The following LDLRAD2 variants were observed in gnomAD, a reference collection of about 807,000 sequenced individuals.
LDLRAD2 encodes low density lipoprotein receptor class A domain containing 2.
A neutral mutation model predicts 24.9 loss-of-function variants in LDLRAD2; 25 were observed. That is an observed-to-expected ratio of 1.00 (90% CI 0.73 to 1.40). The LOEUF (loss-of-function observed/expected upper bound fraction) is 1.40, where lower values mean the gene tolerates loss of function less well. Among genes scored for constraint, LDLRAD2 ranks in the 40% most tolerant of loss-of-function variants. LDLRAD2 has a pLI of 0.00. For missense variants in LDLRAD2, 391 were observed against 366.2 expected, an observed-to-expected ratio of 1.07 and a Z score of -0.55; for synonymous variants, 182 against 166.7, an observed-to-expected ratio of 1.09 and a Z score of -0.71.
At chr1:21,812,600 T>G in intron 1 of LDLRAD2, 64 bp downstream of exon 1, 1 of 1,362,430 alleles carries the variant, frequency 7.3e-7, no homozygotes, top group Non-Finnish European at 1.0e-6. Flanking sequence ...CCTTAGAGAC[T>G]ATGTTTCCCC....
intron 3 of LDLRAD2, among the ~76,000 whole-genome samples, chr1:21,819,306 T>C (rs149167556): frequency 6.6e-6 from 1 of 151,622 alleles, no homozygotes; most frequent in Admixed American, 6.6e-5. Context: ...CCGGGAGGCA[T>C]AGGTTGCGGT....
In LDLRAD2 at chr1:21,814,633, C is replaced by A; in HGVS notation, c.321C>A (p.Cys107Ter). Residue 107 changes from cysteine (C) to a stop codon, truncating the protein, a stop_gained, in exon 2 of 5, where the codon TGC (cysteine) becomes TGA (stop). Transcript: ENST00000344642. LOFTEE classifies it high-confidence loss of function. ...NTSSPAPADP[C>*]APGSYLQFYE... ...CCTCCCCGGCCCCGGCCGACCCGTG[C>A]GCCCCCGGCTCCTACCTGCAGTTCT... 6.2e-7 allele frequency: 1 copy of A among 1,606,892 alleles called. No homozygotes were observed. Among genetic ancestry groups the A allele is most frequent in the Non-Finnish European group, 8.5e-7 (1 of 1,176,948 alleles).
rs1004763292 is a variant in LDLRAD2, at chr1:21,812,459, CTTG to C, written c.13_15del (p.Cys5del). ...GGGCACAGCAGAGCCTGGATGGAGG[CTTG>C]TTGTCTTCTGCAGTTGCCCCAAAGG... On this transcript the variant is annotated inframe_deletion, in exon 1 of 5. Coordinates refer to ENST00000344642, the MANE Select transcript of LDLRAD2 (RefSeq NM_001013693.3). 6.2e-7 allele frequency: 1 copy of C among 1,613,884 alleles called. No homozygotes were observed. Among genetic ancestry groups the C allele is most frequent in the Non-Finnish European group, 8.5e-7 (1 of 1,179,884 alleles).
At position 21,824,156 on chromosome 1, in the gene LDLRAD2, G is replaced by A; in HGVS notation, c.*1941G>A. On this transcript the variant is annotated 3_prime_UTR_variant, in exon 5 of 5. Transcript: ENST00000344642. The surrounding 1 kb of genome is among the most constrained non-coding windows in gnomAD (Gnocchi z 5.9). ...TCACCCGGTGCCACTCGCCGTCATT[G>A]ATGGGGTCCTCAGAGACCAGGCGGG... The A allele has an allele frequency of 1.2e-6, 2 of 1,613,662 alleles. No homozygotes were observed. Among genetic ancestry groups the A allele is most frequent in the Non-Finnish European group, 1.7e-6 (2 of 1,180,006 alleles).
chr1:21,823,526 G>A lies in LDLRAD2; in HGVS notation c.*1311G>A, dbSNP rs780106244. 1 of 1,609,102 alleles carries A rather than the reference G, an allele frequency of 6.2e-7. No individual in the cohort carries two copies. Among genetic ancestry groups the A allele is most frequent in the South Asian group, 1.1e-5 (1 of 90,986 alleles). On this transcript the variant is annotated 3_prime_UTR_variant, in exon 5 of 5. Transcript: ENST00000344642. ...GAGAGGACAGGGCCTGTGGGCTCCAGCAGCCCAGGAGGCGAGGAAGGCTGG... is the reference window on the plus strand; with the variant it reads ...GAGAGGACAGGGCCTGTGGGCTCCAACAGCCCAGGAGGCGAGGAAGGCTGG...
chr1:21,814,693 G>GT lies in LDLRAD2; in HGVS notation c.382dup (p.Ser128PhefsTer65). 6.4e-7 allele frequency: 1 copy of GT among 1,571,496 alleles called. No homozygotes were observed. The highest frequency in any genetic ancestry group is 8.6e-7 in the Non-Finnish European group (1 of 1,159,632). ...CGCCGGGGGCGCCCCGGCCCCTGGG[G>GT]TCCCCACTGTGCGGCCTGAACATCC... On this transcript the variant is annotated frameshift_variant, in exon 2 of 5. Transcript: ENST00000344642. LOFTEE classifies it high-confidence loss of function.
At chr1:21,812,677 C>A in intron 1 of LDLRAD2, 141 bp downstream of exon 1, 1 of 689,300 alleles carries the variant, frequency 1.5e-6, no homozygotes, top group Non-Finnish European at 2.4e-6. Context: ...TGTGTCTGGT[C>A]TTGCTTGGCA....
At position 21,821,568 on chromosome 1, in the gene LDLRAD2, C is replaced by T. The variant is rs1309993246; in HGVS notation, c.762C>T (p.Ser254=). 1.2e-6 allele frequency: 2 copies of T among 1,614,124 alleles called. No homozygotes were observed. Among genetic ancestry groups the T allele is most frequent in the Admixed American group, 1.7e-5 (1 of 60,020 alleles). Reference sequence around the variant, plus strand: ...TCTGGATTGCAGCTGAGAGGAGTTCCCCAGCAGGCAGGGACCCCACGAGAC... The same window carrying T: ...TCTGGATTGCAGCTGAGAGGAGTTCTCCAGCAGGCAGGGACCCCACGAGAC... ...GSLWIAAERS[S]PAGRDPTRQD... The change falls in exon 4 of 5, where the codon TCC becomes TCT. Residue 254 remains serine, a synonymous_variant. Transcript: ENST00000344642.
At chr1:21,821,021 A>AT (rs1390184907) in intron 3 of LDLRAD2, among the ~76,000 whole-genome samples, 1 of 152,108 alleles carries the variant, frequency 6.6e-6, no homozygotes, top group Non-Finnish European at 1.5e-5. Context: ...ACATAGTGAG[A>AT]TCCCGTCTCT....
intron 3 of LDLRAD2, among the ~76,000 whole-genome samples, chr1:21,819,651 A>G (rs1224404087): frequency 6.6e-6 from 1 of 150,774 alleles, no homozygotes; most frequent in Non-Finnish European, 1.5e-5. Flanking sequence ...GACAAGGAGG[A>G]TATGGAGTTA....
rs376179947 is a variant in LDLRAD2, at chr1:21,824,076, C to T, written c.*1861C>T. On this transcript the variant is annotated 3_prime_UTR_variant, in exon 5 of 5. Coordinates refer to ENST00000344642, the MANE Select transcript of LDLRAD2 (RefSeq NM_001013693.3). This position sits in a 1 kb window ranked among gnomAD's most constrained non-coding sequence, Gnocchi z 5.9. ...ATGGTAGGGGGCGTCCTGCCCCACTCCAGAACGCTGGGCCCCATCCCGAGT... is the reference window on the plus strand; with the variant it reads ...ATGGTAGGGGGCGTCCTGCCCCACTTCAGAACGCTGGGCCCCATCCCGAGT... 3 of 1,554,112 alleles carry T rather than the reference C, an allele frequency of 1.9e-6. No individual in the cohort carries two copies. The highest frequency in any genetic ancestry group is 2.6e-6 in the Non-Finnish European group (3 of 1,133,766).
At chr1:21,814,276 C>T (rs914291933) in intron 1 of LDLRAD2, 122 bp from the exon 2 acceptor site, 2 of 690,276 alleles carry the variant, frequency 2.9e-6, no homozygotes, top group Non-Finnish European at 4.7e-6. Context: ...CCCATTTTAC[C>T]GATGAGGAAA....
chr1:21,817,254 C>T (rs1037443220), intron 3 of LDLRAD2, among the ~76,000 whole-genome samples: 2 of 152,204 alleles, frequency 1.3e-5, no homozygotes, highest in Non-Finnish European at 2.9e-5. Context: ...CTGAACTGGT[C>T]TCCCTCCTTC....
At position 21,824,600 on chromosome 1, in the gene LDLRAD2, G is replaced by C. The variant is rs201084549; in HGVS notation, c.*2385G>C. The C allele has an allele frequency of 5.0e-6, 8 of 1,613,882 alleles. No individual in the cohort carries two copies. The highest frequency in any genetic ancestry group is 6.8e-6 in the Non-Finnish European group (8 of 1,180,050). On this transcript the variant is annotated 3_prime_UTR_variant, in exon 5 of 5. Coordinates refer to ENST00000344642, the MANE Select transcript of LDLRAD2 (RefSeq NM_001013693.3). The surrounding 1 kb of genome is among the most constrained non-coding windows in gnomAD (Gnocchi z 5.9). ...TCCGAACCTCCAGCTCGATGGTCTC[G>C]GGCACCTCGGGCAGGCTGCGGAGGA...
Position 21,815,017 on chromosome 1 carries a change from C to T in LDLRAD2, c.511+194C>T, listed in dbSNP as rs146662040. ...GTGGCAGAGTCACAATAAGGGACCT[C>T]CCGGATCCTAAGAGCCAACCATATA... On this transcript the variant is annotated intron_variant, in intron 2 of 4. Transcript: ENST00000344642. Among the ~76,000 whole-genome samples the T allele has an allele frequency of 9.2e-5, 14 of 152,242 alleles. No individual in the cohort carries two copies. The East Asian group carries it at 2.7e-3, about 29-fold the overall frequency.
At chr1:21,812,673 TG>T in intron 1 of LDLRAD2, 137 bp downstream of exon 1, 1 of 693,404 alleles carries the variant, frequency 1.4e-6, no homozygotes, top group South Asian at 1.8e-5. Context: ...AAACTGTGTC[TG>T]GTCTTGCTTG....
At position 21,824,558 on chromosome 1, in the gene LDLRAD2, G is replaced by C; in HGVS notation, c.*2343G>C. On this transcript the variant is annotated 3_prime_UTR_variant, in exon 5 of 5. Transcript: ENST00000344642. This position sits in a 1 kb window ranked among gnomAD's most constrained non-coding sequence, Gnocchi z 5.9. ...TCACCACACCCTGCCAGAGCAGGAG[G>C]CCACTGGCTGTGCTGGTCCGAACCT... The C allele has an allele frequency of 6.2e-7, 1 of 1,613,774 alleles. No individual in the cohort carries two copies. Among genetic ancestry groups the C allele is most frequent in the Non-Finnish European group, 8.5e-7 (1 of 1,180,030 alleles).
rs749376044 is a variant in LDLRAD2, at chr1:21,814,540, G to C, written c.228G>C (p.Arg76=). Residue 76 remains arginine, a synonymous_variant, in exon 2 of 5, where the codon CGG becomes CGC. Coordinates refer to ENST00000344642, the MANE Select transcript of LDLRAD2 (RefSeq NM_001013693.3). ...TGCAGGCGGCAGCCCCCGGCGACCGGATCCGCTTCCAGTTCCGCTTCTTCC... is the reference window on the plus strand; with the variant it reads ...TGCAGGCGGCAGCCCCCGGCGACCGCATCCGCTTCCAGTTCCGCTTCTTCC... ...LWVQAAAPGD[R]IRFQFRFFLV... 3.1e-6 allele frequency: 5 copies of C among 1,612,338 alleles called. No homozygotes were observed. The South Asian group carries it at 3.3e-5, about 11-fold the overall frequency.
chr1:21,822,163 C>T (rs2097953254), intron 4 of LDLRAD2, 39 bp from the exon 5 acceptor site: 1 of 1,613,884 alleles, frequency 6.2e-7, no homozygotes, highest in Non-Finnish European at 8.5e-7. Context: ...GCTTGCTTCA[C>T]CCCCAGATCT....
Sources: gnomAD v4.1 joint callset for allele counts (sites outside exome capture counted in the v4.1 genomes callset) on GRCh38, gnomAD v4.1.1 for gene constraint, Gnocchi (gnomAD v3.1) non-coding constraint, MANE v1.5 for transcripts, NCBI Gene and HGNC (gene_info 2026-07-23, HGNC 2026-07-21) for gene names.